The following AGBL4 variants were observed in gnomAD, a reference collection of about 807,000 sequenced individuals.
AGBL4 encodes the protein AGBL carboxypeptidase 4.
A neutral mutation model predicts 66.4 loss-of-function variants in AGBL4; 58 were observed. The observed-to-expected ratio is 0.87, with a 90% confidence interval of 0.71 to 1.09. AGBL4 has a LOEUF of 1.09. Ranked by LOEUF, AGBL4 falls within the 50% of genes least tolerant of loss-of-function variation. The pLI is 0.00. For missense variants in AGBL4, 579 were observed against 631.0 expected, an observed-to-expected ratio of 0.92 and a Z score of 0.88; for synonymous variants, 234 against 222.9, an observed-to-expected ratio of 1.05 and a Z score of -0.44.
chr1:49,604,024 G>A (rs1343314067), intron 3 of AGBL4, among the ~76,000 whole-genome samples: 1 of 150,864 alleles, frequency 6.6e-6, no homozygotes, highest in Non-Finnish European at 1.5e-5. Flanking sequence ...GGTGAATTGT[G>A]CTGTAATAAA....
chr1:48,764,660 C>A (rs1183482529), intron 6 of AGBL4, among the ~76,000 whole-genome samples: 2 of 152,338 alleles, frequency 1.3e-5, no homozygotes, highest in East Asian at 3.9e-4. Flanking sequence ...AGGCGTCAGA[C>A]AACCTGGATT....
intron 3 of AGBL4, among the ~76,000 whole-genome samples, chr1:49,445,295 T>C (rs888646395): frequency 7.2e-5 from 11 of 152,162 alleles, no homozygotes; most frequent in African/African-American, 2.7e-4. Context: ...TCTTTGATTT[T>C]AAACAGTCTG....
chr1:49,764,209 A>T (rs1304131638), intron 2 of AGBL4, among the ~76,000 whole-genome samples: 1 of 152,082 alleles, frequency 6.6e-6, no homozygotes, highest in Admixed American at 6.5e-5. Context: ...GCACCTTTAC[A>T]TGCCCACAAC....
At chr1:49,003,632 T>C (rs958886256) in intron 5 of AGBL4, among the ~76,000 whole-genome samples, 14 of 152,038 alleles carry the variant, frequency 9.2e-5, no homozygotes, top group Admixed American at 9.2e-4. Context: ...CAATGATCCT[T>C]TCACAGCATG....
At chr1:49,213,718 C>T (rs1279793042) in intron 4 of AGBL4, among the ~76,000 whole-genome samples, 2 of 152,080 alleles carry the variant, frequency 1.3e-5, no homozygotes, top group Admixed American at 1.3e-4. Flanking sequence ...ATATAATATA[C>T]AAGAAACTCA....
At chr1:48,677,516 G>A (rs943848577) in intron 6 of AGBL4, among the ~76,000 whole-genome samples, 6 of 152,294 alleles carry the variant, frequency 3.9e-5, no homozygotes, top group Non-Finnish European at 5.9e-5. Context: ...GCCAGGGGGC[G>A]CATTACTTAT....
At chr1:49,627,829 G>A (rs1347678660) in intron 3 of AGBL4, among the ~76,000 whole-genome samples, 1 of 152,122 alleles carries the variant, frequency 6.6e-6, no homozygotes, top group Non-Finnish European at 1.5e-5. Flanking sequence ...AACTGTGTTG[G>A]ATTAAACAGA....
intron 2 of AGBL4, among the ~76,000 whole-genome samples, chr1:49,715,106 T>TC (rs1235344732): frequency 6.6e-6 from 1 of 152,120 alleles, no homozygotes; most frequent in African/African-American, 2.4e-5. Flanking sequence ...CCTAATGCTA[T>TC]CCCTCCCCTA....
intron 6 of AGBL4, among the ~76,000 whole-genome samples, chr1:48,742,079 T>C (rs1044466435): frequency 5.3e-5 from 8 of 152,242 alleles, no homozygotes; most frequent in African/African-American, 1.9e-4. Flanking sequence ...CCTAGGACTG[T>C]GCGCTAACCA....
chr1:48,780,957 A>G (rs1161749388), intron 6 of AGBL4, among the ~76,000 whole-genome samples: 1 of 152,244 alleles, frequency 6.6e-6, no homozygotes, highest in Admixed American at 6.5e-5. Flanking sequence ...GAGCTTCTGC[A>G]TAGTCTGTTC....
chr1:48,771,651 A>G (rs1644839941), intron 6 of AGBL4, among the ~76,000 whole-genome samples: 3 of 152,318 alleles, frequency 2.0e-5, no homozygotes, highest in Middle Eastern at 3.4e-3. Flanking sequence ...TTTCAAGAAA[A>G]TAAATCCTTT....
chr1:49,160,395 T>C (rs1646517505), intron 4 of AGBL4, among the ~76,000 whole-genome samples: 1 of 152,182 alleles, frequency 6.6e-6, no homozygotes, highest in African/African-American at 2.4e-5. Flanking sequence ...CAGCAGAGGC[T>C]GCAGAACAGC....
At chr1:49,030,195 T>C (rs972164554) in intron 5 of AGBL4, among the ~76,000 whole-genome samples, 2 of 151,980 alleles carry the variant, frequency 1.3e-5, no homozygotes, top group Non-Finnish European at 2.9e-5. Flanking sequence ...TATTAGGAGG[T>C]GGGGCCTTTG....
chr1:49,016,346 T>C (rs1662823522), intron 5 of AGBL4, among the ~76,000 whole-genome samples: 1 of 152,190 alleles, frequency 6.6e-6, no homozygotes, highest in Admixed American at 6.5e-5. Context: ...ACAGGATGTT[T>C]TGATAAAATA....
At chr1:49,306,534 A>T (rs1190887167) in intron 3 of AGBL4, among the ~76,000 whole-genome samples, 3 of 152,190 alleles carry the variant, frequency 2.0e-5, no homozygotes, top group Non-Finnish European at 4.4e-5. Flanking sequence ...ATGTGGTCAT[A>T]GGTCCCATTC....
chr1:49,442,405 T>A (rs956685791), intron 3 of AGBL4, among the ~76,000 whole-genome samples: 1 of 152,216 alleles, frequency 6.6e-6, no homozygotes, highest in African/African-American at 2.4e-5. Flanking sequence ...ATTCTTGGAA[T>A]TTATGAATAG....
At chr1:49,261,438 G>A (rs971343923) in intron 3 of AGBL4, among the ~76,000 whole-genome samples, 3 of 151,998 alleles carry the variant, frequency 2.0e-5, no homozygotes, top group African/African-American at 7.3e-5. Flanking sequence ...ATCTCCTTAA[G>A]CTGATAAGCA....
At chr1:49,365,981 T>C (rs1644234592) in intron 3 of AGBL4, among the ~76,000 whole-genome samples, 1 of 152,150 alleles carries the variant, frequency 6.6e-6, no homozygotes, top group African/African-American at 2.4e-5. Flanking sequence ...AGAAAAGGCA[T>C]ACTTTTAGCA....
intron 3 of AGBL4, among the ~76,000 whole-genome samples, chr1:49,280,350 C>T (rs1170456767): frequency 6.6e-6 from 1 of 152,154 alleles, no homozygotes; most frequent in Non-Finnish European, 1.5e-5. Context: ...TAAACTGTTT[C>T]TTTACTGCAA....
Sources: allele counts gnomAD v4.1 joint callset (sites outside exome capture counted in the v4.1 genomes callset), GRCh38; gene constraint gnomAD v4.1.1; transcripts MANE v1.5; gene names NCBI Gene and HGNC (gene_info 2026-07-23, HGNC 2026-07-21).